The following USO1 variants were observed in gnomAD, a reference collection of about 807,000 sequenced individuals.
The protein encoded by USO1 is general vesicular transport factor p115.
A neutral mutation model predicts 124.5 loss-of-function variants in USO1; 57 were observed. The observed-to-expected ratio is 0.46, with a 90% CI of 0.37 to 0.57. The LOEUF is 0.57. Among genes scored for constraint, USO1 ranks in the 20% least tolerant of loss-of-function variants. USO1 has a pLI of 0.00. For synonymous variants in USO1, 369 were observed against 362.8 expected, an observed-to-expected ratio of 1.02 and a Z score of -0.19; for missense variants, 900 against 1,040.6, an observed-to-expected ratio of 0.86 and a Z score of 1.86.
intron 1 of USO1, among the ~76,000 whole-genome samples, chr4:75,738,243 G>C: frequency 6.6e-6 from 1 of 151,846 alleles, no homozygotes; most frequent in East Asian, 2.0e-4. Context: ...GATCATCCAA[G>C]GTCAGGAGTT....
At chr4:75,787,647 A>T (rs565296582) in intron 10 of USO1, among the ~76,000 whole-genome samples, 18 of 152,332 alleles carry the variant, frequency 1.2e-4, no homozygotes, top group Admixed American at 3.9e-4. Context: ...TTATATTTTT[A>T]AAATTTTTCT....
At chr4:75,761,915 G>A (rs910059430) in intron 4 of USO1, among the ~76,000 whole-genome samples, 5 of 152,122 alleles carry the variant, frequency 3.3e-5, no homozygotes, top group East Asian at 1.9e-4. Context: ...GACATCAGAT[G>A]ATACCAGAGC....
intron 4 of USO1, among the ~76,000 whole-genome samples, chr4:75,765,529 T>C (rs1560445771): frequency 6.6e-6 from 1 of 152,152 alleles, no homozygotes; most frequent in Non-Finnish European, 1.5e-5. Flanking sequence ...GCTCCCAAGT[T>C]CCCATTATCT....
At position 75,800,446 on chromosome 4, in the gene USO1, T is replaced by C. The variant is rs1428758597; in HGVS notation, c.1659T>C (p.Asp553=). 6.3e-7 allele frequency: 1 copy of C among 1,594,130 alleles called. No individual in the cohort carries two copies. Among genetic ancestry groups the C allele is most frequent in the Non-Finnish European group, 8.6e-7 (1 of 1,169,496 alleles). ...LLLGISIYFN[D]NSLESYMKEK... The stretch of plus-strand genomic sequence containing the variant: ...TGGGCATTTCGATTTATTTCAATGA[T>C]AACTCACTTGAGAGCTACATGAAGT... The change falls in exon 15 of 24, where the codon GAT becomes GAC. Residue 553 remains aspartate, a synonymous_variant. Coordinates refer to ENST00000514213, the MANE Select transcript of USO1 (RefSeq NM_003715.4).
intron 13 of USO1, among the ~76,000 whole-genome samples, chr4:75,795,809 A>G (rs886626492): frequency 2.0e-5 from 3 of 152,180 alleles, no homozygotes; most frequent in African/African-American, 7.2e-5. Context: ...ATAATTTTAT[A>G]ATTTGAAATA....
intron 1 of USO1, among the ~76,000 whole-genome samples, chr4:75,746,654 A>G (rs564264030): frequency 2.1e-4 from 32 of 152,342 alleles, no homozygotes; most frequent in Middle Eastern, 3.4e-3. Context: ...AGCAAACATA[A>G]TGCTTTCTTA....
chr4:75,747,900 C>CTTTTTT (rs34689475), intron 1 of USO1, among the ~76,000 whole-genome samples: 4 of 44,316 alleles, frequency 9.0e-5, no homozygotes, highest in Admixed American at 3.8e-4. Context: ...CTCACCTGGC[C>CTTTTTT]TTTTTTTTTT....
chr4:75,790,891 T>A, intron 12 of USO1, 94 bp downstream of exon 12: 2 of 1,353,242 alleles, frequency 1.5e-6, no homozygotes, highest in Non-Finnish European at 1.9e-6. Flanking sequence ...TAGCCTAAAA[T>A]ACTTTGCATG....
intron 20 of USO1, 72 bp from the exon 21 acceptor site, chr4:75,808,881 T>A (rs1413638173): frequency 4.1e-6 from 6 of 1,456,366 alleles, no homozygotes; most frequent in Middle Eastern, 3.8e-4. Flanking sequence ...TTTTTAAATG[T>A]CTCCCTGTAA....
At chr4:75,760,560 C>T (rs1721576854) in intron 4 of USO1, 1 of 397,024 alleles carries the variant, frequency 2.5e-6, no homozygotes, top group South Asian at 1.3e-4. Context: ...TTATCATCCA[C>T]TTTTTATTTA....
intron 1 of USO1, among the ~76,000 whole-genome samples, chr4:75,735,539 G>C (rs923642467): frequency 6.6e-6 from 1 of 151,568 alleles, no homozygotes; most frequent in Non-Finnish European, 1.5e-5. Flanking sequence ...TCTTTTTTTG[G>C]AAACAGGGTC....
At chr4:75,781,911 A>G (rs1187077617) in intron 8 of USO1, among the ~76,000 whole-genome samples, 3 of 152,208 alleles carry the variant, frequency 2.0e-5, no homozygotes, top group Admixed American at 6.6e-5. Flanking sequence ...TGGTTAATCT[A>G]TTAGTACTTG....
rs1187990910 is a variant in USO1 at position 75,812,201 on chromosome 4, A to G, written c.2625A>G (p.Lys875=). 1.2e-6 allele frequency: 2 copies of G among 1,609,640 alleles called. No homozygotes were observed. The highest frequency in any genetic ancestry group is 2.7e-5 in the African/African-American group (2 of 75,006). The change falls in exon 23 of 24, where the codon AAA becomes AAG. Residue 875 remains lysine (K), a synonymous_variant. Coordinates refer to ENST00000514213, the MANE Select transcript of USO1 (RefSeq NM_003715.4). Reference sequence around the variant, plus strand: ...TGTCTGAGGAAAGAACTGCCATTAAAGAGCAGCTGGATTCATCTAATAGTA... The same window carrying G: ...TGTCTGAGGAAAGAACTGCCATTAAGGAGCAGCTGGATTCATCTAATAGTA... ...KALSEERTAI[K]EQLDSSNSTI...
intron 4 of USO1, among the ~76,000 whole-genome samples, chr4:75,765,966 T>C (rs564463953): frequency 6.6e-6 from 1 of 152,282 alleles, no homozygotes; most frequent in African/African-American, 2.4e-5. Context: ...TTGGTGTTTG[T>C]TTTTTGTTTG....
intron 1 of USO1, among the ~76,000 whole-genome samples, chr4:75,752,161 C>T (rs1721311825): frequency 6.6e-6 from 1 of 152,112 alleles, no homozygotes; most frequent in African/African-American, 2.4e-5. Context: ...ACTTCTCTTT[C>T]AGCCCCTCCC....
At chr4:75,789,413 G>C (rs2149180560) in intron 10 of USO1, among the ~76,000 whole-genome samples, 1 of 152,248 alleles carries the variant, frequency 6.6e-6, no homozygotes, top group Non-Finnish European at 1.5e-5. Context: ...AAGTAATGGG[G>C]ATTATAGGCA....
intron 1 of USO1, among the ~76,000 whole-genome samples, chr4:75,741,038 G>T (rs1395538275): frequency 6.6e-6 from 1 of 152,090 alleles, no homozygotes; most frequent in Admixed American, 6.6e-5. Context: ...GCATTATTAG[G>T]CAGTTTTGTT....
intron 1 of USO1, among the ~76,000 whole-genome samples, chr4:75,744,051 C>T (rs1016634304): frequency 4.6e-5 from 7 of 152,228 alleles, no homozygotes; most frequent in East Asian, 3.9e-4. Flanking sequence ...GCTGGGATTA[C>T]AGGCATGAGC....
At chr4:75,772,966 C>T (rs889045713) in intron 7 of USO1, among the ~76,000 whole-genome samples, 10 of 151,958 alleles carry the variant, frequency 6.6e-5, no homozygotes, top group Admixed American at 3.3e-4. Flanking sequence ...GGTGTAGTGG[C>T]GGGCGCCTGT....
Sources: gnomAD v4.1 joint callset for allele counts (sites outside exome capture counted in the v4.1 genomes callset) on GRCh38, gnomAD v4.1.1 for gene constraint, MANE v1.5 for transcripts, NCBI Gene and HGNC (gene_info 2026-07-23, HGNC 2026-07-21) for gene names.